KIF16B: variants seen among roughly 807,000 people sequenced by gnomAD.
KIF16B encodes kinesin-like protein KIF16B.
In KIF16B, 98 loss-of-function variants were observed where a neutral mutation model predicts 156.3. The observed-to-expected ratio is 0.63, with a 90% CI of 0.53 to 0.74. KIF16B has a LOEUF of 0.74. KIF16B is among the 30% of genes least tolerant of loss of function. The pLI is 0.00. For missense variants in KIF16B, 1,421 were observed against 1,606.5 expected (o/e 0.88, Z 1.97); for synonymous variants, 564 against 583.7 (o/e 0.97, Z 0.49).
At chr20:16,507,432 A>G (rs1238791108) in intron 7 of KIF16B, among the ~76,000 whole-genome samples, 2 of 152,164 alleles carry the variant, frequency 1.3e-5, no homozygotes, top group Non-Finnish European at 2.9e-5. Flanking sequence ...GTGTTCAAAT[A>G]TTTACCCTCA....
intron 24 of KIF16B, among the ~76,000 whole-genome samples, chr20:16,313,567 C>T (rs368268267): frequency 5.3e-5 from 8 of 152,332 alleles, no homozygotes; most frequent in African/African-American, 1.9e-4. Flanking sequence ...CAGAGCTGCA[C>T]TTGCTCCCTT....
intron 24 of KIF16B, among the ~76,000 whole-genome samples, chr20:16,317,385 GGTAA>G (rs1464082727): frequency 1.3e-5 from 2 of 152,138 alleles, no homozygotes; most frequent in Admixed American, 6.5e-5. Flanking sequence ...CAGCGTCTCA[GGTAA>G]GTATTTCTGA....
chr20:16,376,580 C>T (rs1222551478), intron 19 of KIF16B, among the ~76,000 whole-genome samples: 5 of 152,194 alleles, frequency 3.3e-5, no homozygotes, highest in African/African-American at 9.7e-5. Context: ...GCCCGGAATC[C>T]GTCGGCCTGA....
intron 25 of KIF16B, among the ~76,000 whole-genome samples, chr20:16,277,977 A>G (rs1029897680): frequency 6.6e-6 from 1 of 152,266 alleles, no homozygotes; most frequent in African/African-American, 2.4e-5. Flanking sequence ...TGTCAGGGCC[A>G]CTGAGAACAG....
At chr20:16,488,625 A>G (rs559181020) in intron 12 of KIF16B, among the ~76,000 whole-genome samples, 116 of 152,310 alleles carry the variant, frequency 7.6e-4, no homozygotes, top group African/African-American at 2.7e-3. Flanking sequence ...GGGCAGGGGG[A>G]TTGAGTAGTC....
At chr20:16,467,719 G>A (rs202237828) in intron 12 of KIF16B, among the ~76,000 whole-genome samples, 5 of 147,938 alleles carry the variant, frequency 3.4e-5, no homozygotes, top group Admixed American at 6.7e-5. Flanking sequence ...TAATAGGGGG[G>A]AAAAAAAAAA....
chr20:16,295,791 G>A (rs1310506142), intron 25 of KIF16B, among the ~76,000 whole-genome samples: 1 of 152,118 alleles, frequency 6.6e-6, no homozygotes, highest in Non-Finnish European at 1.5e-5. Context: ...GCAGGTTCTG[G>A]CAGAAATGAG....
At chr20:16,486,161 C>T (rs986429751) in intron 12 of KIF16B, among the ~76,000 whole-genome samples, 2 of 152,126 alleles carry the variant, frequency 1.3e-5, no homozygotes, top group Non-Finnish European at 2.9e-5. Context: ...AGTCTTCTAG[C>T]ACTTCTAGAA....
intron 12 of KIF16B, among the ~76,000 whole-genome samples, chr20:16,449,136 G>A (rs369814656): frequency 2.0e-5 from 3 of 152,084 alleles, no homozygotes; most frequent in African/African-American, 4.8e-5. Flanking sequence ...GGGAACTGCA[G>A]AGGAAAGCGA....
intron 24 of KIF16B, among the ~76,000 whole-genome samples, chr20:16,328,527 G>A (rs1434679821): frequency 6.6e-6 from 1 of 152,062 alleles, no homozygotes; most frequent in Non-Finnish European, 1.5e-5. Context: ...AGCACAAACT[G>A]GCTTCAGAAT....
chr20:16,532,889 A>G (rs1220088438), intron 1 of KIF16B, among the ~76,000 whole-genome samples: 1 of 151,864 alleles, frequency 6.6e-6, no homozygotes, highest in Non-Finnish European at 1.5e-5. Context: ...AGACTCCATA[A>G]CTCCCCATCT....
At chr20:16,502,214 C>G (rs946898096) in intron 10 of KIF16B, among the ~76,000 whole-genome samples, 2 of 151,732 alleles carry the variant, frequency 1.3e-5, no homozygotes, top group African/African-American at 4.8e-5. Context: ...AAAAAATAAC[C>G]CTAGAAATGG....
chr20:16,315,927 A>G (rs1206962914), intron 24 of KIF16B, among the ~76,000 whole-genome samples: 2 of 152,236 alleles, frequency 1.3e-5, no homozygotes, highest in Admixed American at 6.5e-5. Flanking sequence ...AGCCAAGGCC[A>G]TAATGTAAAG....
At chr20:16,425,941 G>A (rs1217755732) in intron 15 of KIF16B, among the ~76,000 whole-genome samples, 1 of 152,124 alleles carries the variant, frequency 6.6e-6, no homozygotes, top group Non-Finnish European at 1.5e-5. Flanking sequence ...ACGGCAGAAG[G>A]CAAAGAGGAA....
intron 1 of KIF16B, among the ~76,000 whole-genome samples, chr20:16,559,616 A>AT (rs397739459): frequency 1.3e-5 from 2 of 151,704 alleles, no homozygotes; most frequent in African/African-American, 4.9e-5. Flanking sequence ...AAAAAAAAAA[A>AT]TTTAAATTAC....
At chr20:16,409,723 G>A (rs2065872201) in intron 15 of KIF16B, among the ~76,000 whole-genome samples, 3 of 151,594 alleles carry the variant, frequency 2.0e-5, no homozygotes, top group Non-Finnish European at 4.4e-5. Context: ...AGGAGACGGG[G>A]GTGAGGAAGA....
intron 1 of KIF16B, among the ~76,000 whole-genome samples, chr20:16,569,999 T>C (rs2071397581): frequency 6.6e-6 from 1 of 152,052 alleles, no homozygotes; most frequent in African/African-American, 2.4e-5. Context: ...TGTGTGTACA[T>C]TTGTTAGCAC....
At chr20:16,326,602 A>C (rs1161590476) in intron 24 of KIF16B, among the ~76,000 whole-genome samples, 1 of 152,154 alleles carries the variant, frequency 6.6e-6, no homozygotes, top group African/African-American at 2.4e-5. Flanking sequence ...GTTAAATGCA[A>C]ATCAAACCCA....
At chr20:16,489,264 G>T (rs915522536) in intron 12 of KIF16B, among the ~76,000 whole-genome samples, 7 of 152,166 alleles carry the variant, frequency 4.6e-5, no homozygotes, top group Non-Finnish European at 8.8e-5. Flanking sequence ...GAGGCTGAAG[G>T]GGGAGGGCCT....
Sources: gnomAD v4.1 joint callset for allele counts (sites outside exome capture counted in the v4.1 genomes callset) on GRCh38, gnomAD v4.1.1 for gene constraint, MANE v1.5 for transcripts, NCBI Gene and HGNC (gene_info 2026-07-23, HGNC 2026-07-21) for gene names.